Variants in CALN1 observed in about 807,000 individuals in gnomAD.
The protein encoded by CALN1 is calcium-binding protein 8.
CALN1 carries 17 observed loss-of-function variants against 30.6 expected under a neutral mutation model. The ratio of observed to expected loss-of-function variants is 0.56; its 90% CI spans 0.38 to 0.83. The LOEUF (loss-of-function observed/expected upper bound fraction) is 0.83. Among genes scored for constraint, CALN1 ranks in the 40% least tolerant of loss-of-function variants. The pLI is 0.00. For missense variants in CALN1, 291 were observed against 354.9 expected, an observed-to-expected ratio of 0.82 and a Z score of 1.45; for synonymous variants, 156 against 131.4, an observed-to-expected ratio of 1.19 and a Z score of -1.28.
chr7:72,352,945 G>A (rs968687415), intron 2 of CALN1, among the ~76,000 whole-genome samples: 1 of 151,628 alleles, frequency 6.6e-6, no homozygotes, highest in African/African-American at 2.4e-5. Context: ...GAATAACAAG[G>A]GAATATTATA....
intron 2 of CALN1, among the ~76,000 whole-genome samples, chr7:72,342,372 T>C (rs1266329205): frequency 6.6e-6 from 1 of 152,062 alleles, no homozygotes; most frequent in East Asian, 1.9e-4. Flanking sequence ...CATATTAAGG[T>C]GGTTGCAGGT....
chr7:71,903,172 T>A (rs1793953933), intron 5 of CALN1, among the ~76,000 whole-genome samples: 1 of 152,034 alleles, frequency 6.6e-6, no homozygotes, highest in South Asian at 2.1e-4. Context: ...ACCCTCTAGA[T>A]CTATAATAAA....
At chr7:72,362,174 G>A (rs1016195165) in intron 2 of CALN1, among the ~76,000 whole-genome samples, 5 of 152,196 alleles carry the variant, frequency 3.3e-5, no homozygotes, top group East Asian at 1.9e-4. Context: ...AAATATCCAC[G>A]TCCAGGGTTA....
intron 1 of CALN1, among the ~76,000 whole-genome samples, chr7:72,408,433 G>T (rs951076192): frequency 6.6e-6 from 1 of 151,704 alleles, no homozygotes; most frequent in African/African-American, 2.4e-5. Context: ...CAACAGACTC[G>T]GTCTCAGAAA....
intron 3 of CALN1, among the ~76,000 whole-genome samples, chr7:72,228,043 G>A (rs538787080): frequency 6.6e-6 from 1 of 151,948 alleles, no homozygotes; most frequent in South Asian, 2.1e-4. Flanking sequence ...GAACGGTTCT[G>A]AACAGGTTTG....
chr7:72,307,694 G>A (rs754657413), intron 2 of CALN1, among the ~76,000 whole-genome samples: 8 of 152,162 alleles, frequency 5.3e-5, no homozygotes, highest in Non-Finnish European at 1.2e-4. Flanking sequence ...CCGTGGGGAG[G>A]TGACGCTGGT....
chr7:71,792,842 GA>G (rs1402924022), intron 6 of CALN1, among the ~76,000 whole-genome samples: 1 of 151,934 alleles, frequency 6.6e-6, no homozygotes, highest in African/African-American at 2.4e-5. Flanking sequence ...AGTTTTTGCT[GA>G]AGCTCTTCTT....
chr7:72,183,286 T>C (rs1046835337), intron 3 of CALN1, among the ~76,000 whole-genome samples: 2 of 152,186 alleles, frequency 1.3e-5, no homozygotes, highest in East Asian at 3.9e-4. Flanking sequence ...GCTGGAAATC[T>C]ATGTTTTTTA....
intron 1 of CALN1, among the ~76,000 whole-genome samples, chr7:72,440,775 T>C (rs1808320521): frequency 6.6e-6 from 1 of 152,100 alleles, no homozygotes; most frequent in East Asian, 1.9e-4. Flanking sequence ...TGCAGTGAGC[T>C]GAGATCGCAC....
intron 3 of CALN1, among the ~76,000 whole-genome samples, chr7:72,255,626 G>C (rs1585279051): frequency 6.7e-6 from 1 of 149,548 alleles, no homozygotes; most frequent in Admixed American, 6.7e-5. Flanking sequence ...ACATAGGCCA[G>C]GCTGGTCTTG....
intron 5 of CALN1, among the ~76,000 whole-genome samples, chr7:71,828,771 C>T (rs781258019): frequency 4.7e-5 from 7 of 148,496 alleles, no homozygotes; most frequent in East Asian, 2.0e-4. Context: ...TTTTTTGAGA[C>T]GGAATCTCGC....
At chr7:72,311,544 A>C (rs1486431514) in intron 2 of CALN1, among the ~76,000 whole-genome samples, 5 of 150,698 alleles carry the variant, frequency 3.3e-5, no homozygotes, top group Non-Finnish European at 5.9e-5. Context: ...CAGTGGCTTG[A>C]TCTCGGCTCA....
intron 1 of CALN1, among the ~76,000 whole-genome samples, chr7:72,434,065 GAA>G (rs796743589): frequency 1.4e-5 from 2 of 140,474 alleles, no homozygotes; most frequent in Non-Finnish European, 3.1e-5. Context: ...GTTCCTGAAA[GAA>G]AAAAAAAAAA....
chr7:72,016,485 A>G (rs960300356), intron 5 of CALN1, among the ~76,000 whole-genome samples: 2 of 151,680 alleles, frequency 1.3e-5, no homozygotes, highest in African/African-American at 4.8e-5. Context: ...TGACCAGGCA[A>G]GAGTGCAGTG....
At chr7:72,081,548 G>A (rs373140670) in intron 4 of CALN1, among the ~76,000 whole-genome samples, 8 of 152,096 alleles carry the variant, frequency 5.3e-5, no homozygotes, top group South Asian at 2.1e-4. Context: ...TCAACCTCCT[G>A]AGTAGCTGGG....
the CALN1 span, among the ~76,000 whole-genome samples, chr7:72,488,039 G>T: frequency 2.6e-5 from 4 of 151,316 alleles, no homozygotes; most frequent in South Asian, 2.1e-4. Context: ...TGAGCTCAAG[G>T]ACAAATACCA....
intron 6 of CALN1, 23 bp downstream of exon 6, chr7:71,810,313 G>A (rs1485698161): frequency 1.9e-6 from 3 of 1,611,210 alleles, no homozygotes; most frequent in Non-Finnish European, 2.5e-6. Flanking sequence ...GACCGGGGAG[G>A]GGATGGCAGC....
At chr7:71,883,963 G>A (rs1227526648) in intron 5 of CALN1, among the ~76,000 whole-genome samples, 1 of 152,096 alleles carries the variant, frequency 6.6e-6, no homozygotes. Flanking sequence ...TGCCAGGTTG[G>A]AGTGAAGTGG....
Position 72,312,297 on chromosome 7 carries a change from G to A in CALN1, c.120-33487C>T, listed in dbSNP as rs969085775. 2.0e-5 allele frequency among the ~76,000 whole-genome samples: 3 copies of A among 151,576 alleles called. 1 individual carries two copies. Among genetic ancestry groups the A allele is most frequent in the South Asian group, 4.2e-4 (2 of 4,780 alleles). ...TGCATATCTGTAATCCCAGCTACTC[G>A]GGAGGCTGAGGCAGGAGAATCACTT... On this transcript the variant is annotated intron_variant, in intron 2 of 6. Transcript: ENST00000395275.
Sources: allele counts gnomAD v4.1 joint callset (sites outside exome capture counted in the v4.1 genomes callset), GRCh38; gene constraint gnomAD v4.1.1; transcripts MANE v1.5; gene names NCBI Gene and HGNC (gene_info 2026-07-23, HGNC 2026-07-21).